The following IL17RA variants were observed in gnomAD, a reference collection of about 807,000 sequenced individuals.
IL17RA encodes the protein interleukin-17 receptor A.
In IL17RA, 34 loss-of-function variants were observed where a neutral mutation model predicts 50.4. The observed-to-expected ratio is 0.67, with a 90% CI of 0.51 to 0.90. The LOEUF is 0.90. Ranked by LOEUF, IL17RA falls within the 40% of genes least tolerant of loss-of-function variation. The probability of loss-of-function intolerance (pLI) is 0.00; values close to 1 mark genes in which losing one functional copy is unlikely to be tolerated. For missense variants in IL17RA, 1,276 were observed against 1,169.8 expected (o/e 1.09, Z -1.32); for synonymous variants, 585 against 510.4 (o/e 1.15, Z -1.97).
chr22:17,108,616 G>A lies in IL17RA; in HGVS notation c.1397G>A (p.Arg466Gln), dbSNP rs756240304. 9.3e-6 allele frequency: 15 copies of A among 1,604,406 alleles called. No homozygotes were observed. Among genetic ancestry groups the A allele is most frequent in the African/African-American group, 1.3e-5 (1 of 74,896 alleles). ...QALLGRGAPV[R>Q]LRCDHGKPVG... ...CTCCTGGGCCGGGGGGCGCCTGTGC[G>A]GCTGCGCTGCGACCACGGAAAGCCC... The change falls in exon 13 of 13, where the codon CGG becomes CAG. Residue 466 changes from arginine to glutamine, a missense_variant. Transcript: ENST00000319363.
Position 17,112,443 on chromosome 22 carries a change from C to G in IL17RA, c.*2623C>G, listed in dbSNP as rs2061447375. ...AAATCCAGCCCCCCTTAGTCACCAC[C>G]CCAACCTCCCCATCCCTAGGCACCC... is the stretch of plus-strand genomic sequence containing the variant. On this transcript the variant is annotated 3_prime_UTR_variant, in exon 13 of 13. Transcript: ENST00000319363. The G allele has an allele frequency of 6.6e-6, 1 of 152,154 alleles. No individual in the cohort carries two copies. The highest frequency in any genetic ancestry group is 2.1e-4 in the South Asian group (1 of 4,836). 9.4% of individuals were successfully genotyped at this position (152,154 alleles called of 1,614,324 possible). A position where few individuals can be genotyped will look rare whatever the true frequency, so the allele number is the denominator to read the frequency against.
chr22:17,098,605 G>A (rs41409548), intron 3 of IL17RA, among the ~76,000 whole-genome samples, 170 bp from the exon 4 acceptor site: 3,517 of 152,308 alleles, frequency 0.023, 70 homozygotes, highest in South Asian at 0.065. Context: ...TCTGCAAGGC[G>A]GTAGGCTGAG....
rs775273149 is a variant in IL17RA, at chr22:17,097,043, C to T, written c.139-19C>T. 4.3e-6 allele frequency: 7 copies of T among 1,612,352 alleles called. No individual in the cohort carries two copies. The highest frequency in any genetic ancestry group is 4.0e-5 in the African/African-American group (3 of 74,974). On this transcript the variant is annotated intron_variant, in intron 1 of 12. Transcript: ENST00000319363. ...CAAGCCTTTTCCCAGCTGTAATAAC[C>T]ACCCTCTTTTTTCCACAGGGGCTAA...
At position 17,105,884 on chromosome 22, in the gene IL17RA, C is replaced by G; in HGVS notation, c.975C>G (p.Ile325Met). 1 of 1,614,174 alleles carries G rather than the reference C, an allele frequency of 6.2e-7. No individual in the cohort carries two copies. Among genetic ancestry groups the G allele is most frequent in the South Asian group, 1.1e-5 (1 of 91,082 alleles). Residue 325 changes from isoleucine (I) to methionine (M), a missense_variant, in exon 11 of 13, where the codon ATC (isoleucine) becomes ATG (methionine). Physicochemically the swap from Ile to Met is conservative, Grantham distance 10. Coordinates refer to ENST00000319363, the MANE Select transcript of IL17RA (RefSeq NM_014339.7). ...DYMPLWVYWF[I>M]TGISILLVGS... ...TGCCCCTGTGGGTGTACTGGTTCATCACGGGCATCTCCATCCTGCTGGTGG... is the reference window on the plus strand; with the variant it reads ...TGCCCCTGTGGGTGTACTGGTTCATGACGGGCATCTCCATCCTGCTGGTGG...
intron 1 of IL17RA, chr22:17,093,532 T>C (rs1192008186): frequency 6.6e-6 from 1 of 152,294 alleles, no homozygotes; most frequent in Non-Finnish European, 1.5e-5. Context: ...CTGCCTACTC[T>C]GCTGCCACTT....
Position 17,109,073 on chromosome 22 carries a change from G to A in IL17RA, c.1854G>A (p.Val618=). 6.3e-7 allele frequency: 1 copy of A among 1,580,380 alleles called. No homozygotes were observed. The highest frequency in any genetic ancestry group is 8.5e-7 in the Non-Finnish European group (1 of 1,171,794). ...TGCTGCCTCCGGGAACCGGCATCGT[G>A]AAGCGGGCGCCCCTGGTGCGCGAGC... ...EPLLPPGTGI[V]KRAPLVREPG... is the part of the protein sequence containing the mutation. Residue 618 remains valine (V), a synonymous_variant, in exon 13 of 13, where the codon GTG becomes GTA. Coordinates refer to ENST00000319363, the MANE Select transcript of IL17RA (RefSeq NM_014339.7).
At chr22:17,098,657 G>A (rs1290729817) in intron 3 of IL17RA, 118 bp from the exon 4 acceptor site, 1 of 770,906 alleles carries the variant, frequency 1.3e-6, no homozygotes, top group African/African-American at 1.7e-5. Context: ...GGAGAGTTGG[G>A]TAAGACGGCA....
chr22:17,109,581 C>G lies in IL17RA; in HGVS notation c.2362C>G (p.Gln788Glu). The G allele has an allele frequency of 6.2e-7, 1 of 1,600,702 alleles. No homozygotes were observed. Among genetic ancestry groups the G allele is most frequent in the Non-Finnish European group, 8.5e-7 (1 of 1,173,850 alleles). ...CACGCCCTACGAGGAGGAGCAGCGGCAGTCAGTGCAGTCTGACCAGGGCTA... is the reference window on the plus strand; with the variant it reads ...CACGCCCTACGAGGAGGAGCAGCGGGAGTCAGTGCAGTCTGACCAGGGCTA... ...PHTPYEEEQR[Q>E]SVQSDQGYIS... The change falls in exon 13 of 13, where the codon CAG (glutamine) becomes GAG (glutamate). Residue 788 changes from glutamine to glutamate, a missense_variant. Transcript: ENST00000319363.
At chr22:17,107,438 C>T (rs1295304801) in intron 11 of IL17RA, among the ~76,000 whole-genome samples, 1 of 152,236 alleles carries the variant, frequency 6.6e-6, no homozygotes, top group African/African-American at 2.4e-5. Flanking sequence ...CCAGGCACGT[C>T]ACATACACAC....
At chr22:17,090,498 A>T (rs979325956) in intron 1 of IL17RA, among the ~76,000 whole-genome samples, 20 of 152,276 alleles carry the variant, frequency 1.3e-4, no homozygotes, top group African/African-American at 4.6e-4. Context: ...TGGTACTAAG[A>T]TGTTTAAAAC....
intron 7 of IL17RA, among the ~76,000 whole-genome samples, chr22:17,102,939 C>T (rs1439990317): frequency 6.6e-6 from 1 of 152,164 alleles, no homozygotes; most frequent in Non-Finnish European, 1.5e-5. Context: ...GTCAGGAGTT[C>T]GAGACCAGCC....
chr22:17,099,425 G>A (rs1337006905), intron 4 of IL17RA, among the ~76,000 whole-genome samples: 5 of 152,050 alleles, frequency 3.3e-5, no homozygotes, highest in African/African-American at 7.2e-5. Flanking sequence ...AGTGTGGTCC[G>A]TAGACCAGCA....
chr22:17,105,105 G>A (rs749000433), intron 9 of IL17RA, among the ~76,000 whole-genome samples: 2 of 152,296 alleles, frequency 1.3e-5, no homozygotes, highest in Middle Eastern at 3.4e-3. Flanking sequence ...CCCTAGTTCT[G>A]TGCCATGCAC....
chr22:17,109,251 G>T lies in IL17RA; in HGVS notation c.2032G>T (p.Val678Leu). 2 of 1,491,658 alleles carry T rather than the reference G, an allele frequency of 1.3e-6. No individual in the cohort carries two copies. Among genetic ancestry groups the T allele is most frequent in the Non-Finnish European group, 1.8e-6 (2 of 1,127,000 alleles). 92.4% of individuals were successfully genotyped at this position (1,491,658 alleles called of 1,614,324 possible). The change falls in exon 13 of 13, where the codon GTG becomes TTG. Residue 678 changes from valine (V) to leucine (L), a missense_variant. Physicochemically the swap from Val to Leu is conservative, Grantham distance 32. Coordinates refer to ENST00000319363, the MANE Select transcript of IL17RA (RefSeq NM_014339.7). ...GCTCGCCGCAGAGGAGGGGGCCCTG[G>T]TGGCCGCGGTGGAGCCTGGGCCCCT... is the stretch of plus-strand genomic sequence containing the variant. ...LVLAAEEGAL[V>L]AAVEPGPLAD...
rs1395612880 is a variant in IL17RA at position 17,112,021 on chromosome 22, C to T, written c.*2201C>T. ...CACTAGCCTTTTGGGCTCAGTCTCT[C>T]CAATAATCCTGGAGAGGGGCTTCGT... On this transcript the variant is annotated 3_prime_UTR_variant, in exon 13 of 13. Transcript: ENST00000319363. 1 of 152,172 alleles carries T rather than the reference C, an allele frequency of 6.6e-6. No homozygotes were observed. Among genetic ancestry groups the T allele is most frequent in the Non-Finnish European group, 1.5e-5 (1 of 68,042 alleles). 9.4% of individuals were successfully genotyped at this position (152,172 alleles called of 1,614,324 possible). A position where few individuals can be genotyped will look rare whatever the true frequency, so the allele number is the denominator to read the frequency against.
Position 17,098,835 on chromosome 22 carries a change from G to T in IL17RA, c.371G>T (p.Arg124Leu). 1 of 1,614,168 alleles carries T rather than the reference G, an allele frequency of 6.2e-7. No homozygotes were observed. Among genetic ancestry groups the T allele is most frequent in the South Asian group, 1.1e-5 (1 of 91,088 alleles). ...LSVLQLNTNERLCVRFEFLSK... is the reference protein window; with the variant it reads ...LSVLQLNTNELLCVRFEFLSK... ...GTCCTGCAGCTGAACACCAATGAAC[G>T]TTTGTGCGTCAGGTTTGAGTTTCTG... Residue 124 changes from arginine (R) to leucine (L), a missense_variant, in exon 4 of 13, where the codon CGT becomes CTT. Coordinates refer to ENST00000319363, the MANE Select transcript of IL17RA (RefSeq NM_014339.7).
intron 5 of IL17RA, among the ~76,000 whole-genome samples, chr22:17,100,964 G>A (rs181928335): frequency 9.0e-4 from 137 of 152,228 alleles, no homozygotes; most frequent in Admixed American, 2.4e-3. Flanking sequence ...TGTGATTACC[G>A]CCAGGCTTTT....
chr22:17,110,172 G>A lies in IL17RA; in HGVS notation c.*352G>A, dbSNP rs754263270. On this transcript the variant is annotated 3_prime_UTR_variant, in exon 13 of 13. Transcript: ENST00000319363. ...ATGCGGCATGGCCCCAGCCATGAAG[G>A]AACTTAACCGCTAGTGCCGAGGACA... 60 of 354,724 alleles carry A rather than the reference G, an allele frequency of 1.7e-4. No homozygotes were observed. Among genetic ancestry groups the A allele is most frequent in the Middle Eastern group, 9.5e-4 (1 of 1,056 alleles). 22.0% of individuals were successfully genotyped at this position (354,724 alleles called of 1,614,324 possible).
At position 17,108,346 on chromosome 22, in the gene IL17RA, A is replaced by C; in HGVS notation, c.1127A>C (p.Lys376Thr). 6.2e-7 allele frequency: 1 copy of C among 1,614,126 alleles called. No individual in the cohort carries two copies. Among genetic ancestry groups the C allele is most frequent in the Non-Finnish European group, 8.5e-7 (1 of 1,180,004 alleles). ...PAADLIPPPL[K>T]PRKVWIIYSA... Reference sequence around the variant, plus strand: ...GCTGACCTGATCCCCCCACCGCTGAAGCCCAGGAAGGTCTGGATCATCTAC... The same window carrying C: ...GCTGACCTGATCCCCCCACCGCTGACGCCCAGGAAGGTCTGGATCATCTAC... Residue 376 changes from lysine (K) to threonine (T), a missense_variant, in exon 13 of 13, where the codon AAG becomes ACG. By Grantham distance (78) the Lys-to-Thr change is moderately conservative (BLOSUM62 -1). Coordinates refer to ENST00000319363, the MANE Select transcript of IL17RA (RefSeq NM_014339.7).
Sources: gnomAD v4.1 joint callset for allele counts (sites outside exome capture counted in the v4.1 genomes callset) on GRCh38, gnomAD v4.1.1 for gene constraint, MANE v1.5 for transcripts, NCBI Gene and HGNC (gene_info 2026-07-23, HGNC 2026-07-21) for gene names.